LDB2: variants seen among roughly 807,000 people sequenced by gnomAD.
The protein encoded by LDB2 is LIM domain binding 2.
A neutral mutation model predicts 44.3 loss-of-function variants in LDB2; 12 were observed. The ratio of observed to expected loss-of-function variants is 0.27; its 90% CI spans 0.17 to 0.44. LDB2 has a LOEUF of 0.44. Ranked by LOEUF, LDB2 falls within the 20% of genes least tolerant of loss-of-function variation. The probability of loss-of-function intolerance (pLI) is 1.00; values close to 1 mark genes in which losing one functional copy is unlikely to be tolerated. For missense variants in LDB2, 344 were observed against 473.5 expected (o/e 0.73, Z 2.54); for synonymous variants, 164 against 174.8 (o/e 0.94, Z 0.49).
At chr4:16,658,529 A>G (rs1459496304) in intron 2 of LDB2, among the ~76,000 whole-genome samples, 2 of 145,846 alleles carry the variant, frequency 1.4e-5, no homozygotes, top group East Asian at 2.0e-4. Flanking sequence ...CAGGGACACA[A>G]TGTTTCTAGA....
chr4:16,897,946 G>GTATATATATATA (rs35836810), intron 1 of LDB2, among the ~76,000 whole-genome samples: 1 of 27,916 alleles, frequency 3.6e-5, no homozygotes, highest in Non-Finnish European at 6.2e-5. Flanking sequence ...ATACACATAT[G>GTATATATATATA]TATATATATA....
chr4:16,577,511 CAAGT>C (rs1217893568), intron 5 of LDB2, among the ~76,000 whole-genome samples: 4 of 151,892 alleles, frequency 2.6e-5, no homozygotes, highest in Admixed American at 6.6e-5. Context: ...AGGAATTAAC[CAAGT>C]AAGTGAAAGA....
chr4:16,671,766 C>T (rs150365618), intron 2 of LDB2, among the ~76,000 whole-genome samples: 36 of 151,980 alleles, frequency 2.4e-4, no homozygotes, highest in Non-Finnish European at 2.4e-4. Context: ...CAAACAATGC[C>T]ACCACATCTC....
intron 1 of LDB2, among the ~76,000 whole-genome samples, chr4:16,803,183 C>T (rs138213117): frequency 6.6e-6 from 1 of 152,140 alleles, no homozygotes; most frequent in Non-Finnish European, 1.5e-5. Context: ...AACTCACTGA[C>T]CCTAGTTTGT....
At chr4:16,838,453 C>G (rs565043333) in intron 1 of LDB2, among the ~76,000 whole-genome samples, 1 of 152,324 alleles carries the variant, frequency 6.6e-6, no homozygotes, top group African/African-American at 2.4e-5. Flanking sequence ...TATTCACAAG[C>G]TCACTTGTGG....
chr4:16,805,467 G>C (rs1466694220), intron 1 of LDB2, among the ~76,000 whole-genome samples: 2 of 152,162 alleles, frequency 1.3e-5, no homozygotes, highest in Non-Finnish European at 2.9e-5. Flanking sequence ...GTTGTCAAAT[G>C]CTTATTCAGG....
chr4:16,736,163 C>G (rs932066865), intron 2 of LDB2, among the ~76,000 whole-genome samples: 1 of 152,202 alleles, frequency 6.6e-6, no homozygotes, highest in Non-Finnish European at 1.5e-5. Context: ...AGGGTCCTCT[C>G]TCCACATTCT....
intron 2 of LDB2, among the ~76,000 whole-genome samples, chr4:16,608,256 C>A: frequency 6.7e-6 from 1 of 150,172 alleles, no homozygotes; most frequent in Admixed American, 6.6e-5. Context: ...GTCAGCATTC[C>A]AGGGGCATTT....
intron 2 of LDB2, chr4:16,674,106 G>C: frequency 3.6e-6 from 2 of 549,816 alleles, no homozygotes; most frequent in South Asian, 3.5e-5. Context: ...GCTGGGGAAG[G>C]AAGTTGGAAA....
At chr4:16,587,219 T>A (rs886235875) in intron 4 of LDB2, among the ~76,000 whole-genome samples, 1 of 152,216 alleles carries the variant, frequency 6.6e-6, no homozygotes, top group African/African-American at 2.4e-5. Context: ...CCGGTGATGA[T>A]GATGAGAGCC....
At chr4:16,681,715 C>T (rs1480759768) in intron 2 of LDB2, among the ~76,000 whole-genome samples, 4 of 141,146 alleles carry the variant, frequency 2.8e-5, no homozygotes, top group Non-Finnish European at 6.0e-5. Context: ...GGACTACAGA[C>T]TCCCGCCACG....
intron 1 of LDB2, among the ~76,000 whole-genome samples, chr4:16,823,615 C>G (rs1782509002): frequency 6.6e-6 from 1 of 152,192 alleles, no homozygotes; most frequent in African/African-American, 2.4e-5. Flanking sequence ...CCCATAGTAC[C>G]AGGCTTCGTA....
At chr4:16,770,653 T>C (rs1297170759) in intron 1 of LDB2, among the ~76,000 whole-genome samples, 1 of 152,184 alleles carries the variant, frequency 6.6e-6, no homozygotes, top group African/African-American at 2.4e-5. Context: ...AAATTTTTAT[T>C]TCCATCCACA....
rs556690094 is a variant in LDB2, at chr4:16,801,085, G to A, written c.133-41825C>T. The stretch of plus-strand genomic sequence containing the variant: ...GAAGTCAAAGCTCCCCATCTTGGTT[G>A]GCAAGCTTGCCTTGGGCAGTGCTGT... On this transcript the variant is annotated intron_variant, in intron 1 of 7. Coordinates refer to ENST00000304523, the MANE Select transcript of LDB2 (RefSeq NM_001290.5). 9.3e-4 allele frequency among the ~76,000 whole-genome samples: 141 copies of A among 152,288 alleles called. 1 individual carries two copies. The highest frequency in any genetic ancestry group is 3.3e-3 in the African/African-American group (138 of 41,556).
intron 1 of LDB2, among the ~76,000 whole-genome samples, chr4:16,883,656 T>G (rs1692153083): frequency 6.6e-6 from 1 of 152,226 alleles, no homozygotes; most frequent in South Asian, 2.1e-4. Flanking sequence ...CCTTTTTCTC[T>G]TCCCCATGCA....
At chr4:16,587,069 A>G (rs1167194493) in intron 4 of LDB2, among the ~76,000 whole-genome samples, 1 of 152,246 alleles carries the variant, frequency 6.6e-6, no homozygotes, top group Non-Finnish European at 1.5e-5. Context: ...GCCTATATTT[A>G]TTAAACCACT....
intron 5 of LDB2, among the ~76,000 whole-genome samples, chr4:16,583,922 G>T (rs1715746711): frequency 6.6e-6 from 1 of 152,204 alleles, no homozygotes; most frequent in African/African-American, 2.4e-5. Flanking sequence ...TGAGGACAGA[G>T]GCCATTGCTC....
rs75084049 is a variant in LDB2, at chr4:16,720,459, C to T, written c.235+38699G>A. On this transcript the variant is annotated intron_variant, in intron 2 of 7. Coordinates refer to ENST00000304523, the MANE Select transcript of LDB2 (RefSeq NM_001290.5). ...CCCCAACAATCACATAAACCAATTCCTTGCAATAATTCTCCTAATATATGT... is the reference window on the plus strand; with the variant it reads ...CCCCAACAATCACATAAACCAATTCTTTGCAATAATTCTCCTAATATATGT... 9.2e-4 allele frequency among the ~76,000 whole-genome samples: 140 copies of T among 152,242 alleles called. No homozygotes were observed. In the East Asian group the frequency reaches 0.026, roughly 28 times the overall value.
intron 3 of LDB2, among the ~76,000 whole-genome samples, chr4:16,590,172 C>T (rs1266215800): frequency 4.6e-5 from 7 of 152,108 alleles, no homozygotes; most frequent in South Asian, 2.1e-4. Flanking sequence ...GCCTCCATCT[C>T]GGCTTTGAGA....
Sources: gnomAD v4.1 joint callset for allele counts (sites outside exome capture counted in the v4.1 genomes callset) on GRCh38, gnomAD v4.1.1 for gene constraint, MANE v1.5 for transcripts, NCBI Gene and HGNC (gene_info 2026-07-23, HGNC 2026-07-21) for gene names.